The following MSN variants were observed in gnomAD, a reference collection of about 807,000 sequenced individuals.
MSN encodes epididymis luminal protein 70.
Under a neutral mutation model 48.0 loss-of-function variants are expected in MSN, and 2 were observed. The observed-to-expected ratio is 0.04, with a 90% CI of 0.02 to 0.13. The LOEUF (loss-of-function observed/expected upper bound fraction) is 0.13. Among genes scored for constraint, MSN ranks in the 10% least tolerant of loss-of-function variants. The pLI, the probability that MSN is intolerant of heterozygous loss-of-function variation, is 1.00. For synonymous variants in MSN, 146 were observed against 166.9 expected (o/e 0.87, Z 0.97); for missense variants, 267 against 470.1 (o/e 0.57, Z 3.99).
At chrX:65,682,531 G>T (rs559250684) in intron 1 of MSN, among the ~76,000 whole-genome samples, 22 of 111,482 alleles carry the variant, frequency 2.0e-4, no homozygotes, top group Middle Eastern at 4.6e-3. Context: ...ACGAAGAAGG[G>T]ACTTGCTCAA....
Position 65,608,100 on chromosome X carries a change from G to A in MSN, c.-22+19488G>A, listed in dbSNP as rs553767253. On this transcript the variant is annotated intron_variant, in intron 1 of 3. Coordinates refer to the MSN transcript ENST00000609672. ...GCTCTGTCTGTGTAGTCATCTCTGC[G>A]AACTGATTCCAAATGCCACGGTGTG... is the stretch of plus-strand genomic sequence containing the variant. Among the ~76,000 whole-genome samples, 48 of 112,271 alleles carry A rather than the reference G, an allele frequency of 4.3e-4. No homozygotes were observed. In the South Asian group the frequency reaches 4.4e-3, roughly 10 times the overall value.
At chrX:65,640,921 C>T (rs2148369679) in intron 1 of MSN, among the ~76,000 whole-genome samples, 1 of 110,872 alleles carries the variant, frequency 9.0e-6, no homozygotes, top group East Asian at 2.9e-4. Flanking sequence ...TCAGCCTGGG[C>T]AACATGGCAA....
intron 8 of MSN, among the ~76,000 whole-genome samples, chrX:65,736,085 A>G (rs1040360244): frequency 8.9e-6 from 1 of 112,192 alleles, no homozygotes; most frequent in African/African-American, 3.2e-5. Flanking sequence ...CTGAGGACTG[A>G]TGCACTAGCC....
intron 1 of MSN, among the ~76,000 whole-genome samples, chrX:65,691,320 C>T (rs938960304): frequency 1.1e-4 from 12 of 110,588 alleles, no homozygotes; most frequent in Admixed American, 8.7e-4. Flanking sequence ...GATTAGATTC[C>T]CCAGAAGCCC....
intron 1 of MSN, among the ~76,000 whole-genome samples, chrX:65,603,866 T>C (rs1204300986): frequency 8.9e-6 from 1 of 111,866 alleles, no homozygotes; most frequent in Non-Finnish European, 1.9e-5. Flanking sequence ...AGGGAACATA[T>C]TTGAGAGATC....
At chrX:65,695,317 A>G (rs754512686) in intron 1 of MSN, among the ~76,000 whole-genome samples, 1 of 110,041 alleles carries the variant, frequency 9.1e-6, no homozygotes. Context: ...CCTGATCAAC[A>G]TGGTGAAACC....
chrX:65,736,804 G>A lies in MSN; in HGVS notation c.969G>A (p.Leu323=), dbSNP rs1349036553. Residue 323 remains leucine, a synonymous_variant, in exon 9 of 13, where the codon CTG becomes CTA. Transcript: ENST00000360270. ...KHQKQMERAM[L]ENEKKKREMA... is the part of the protein sequence containing the mutation. Reference sequence around the variant, plus strand: ...TTATCTCCTTCCCTAGTGCTATGCTGGAAAATGAGAAGAAGAAGCGTGAAA... The same window carrying A: ...TTATCTCCTTCCCTAGTGCTATGCTAGAAAATGAGAAGAAGAAGCGTGAAA... 1.7e-6 allele frequency: 2 copies of A among 1,165,337 alleles called. No individual in the cohort carries two copies. The highest frequency in any genetic ancestry group is 3.6e-5 in the African/African-American group (2 of 55,520).
At chrX:65,629,071 A>C (rs2070533665) in intron 1 of MSN, among the ~76,000 whole-genome samples, 1 of 104,220 alleles carries the variant, frequency 9.6e-6, no homozygotes, top group Non-Finnish European at 2.0e-5. Flanking sequence ...CTCCATCTCA[A>C]AAAAAAAAAA....
rs2147516915 is a variant in MSN at position 65,735,351 on chromosome X, C to T, written c.880C>T (p.Arg294Cys). 2 of 1,209,156 alleles carry T rather than the reference C, an allele frequency of 1.7e-6. No homozygotes were observed. The highest frequency in any genetic ancestry group is 2.2e-6 in the Non-Finnish European group (2 of 894,271). Reference sequence around the variant, plus strand: ...GGGGAACCATGAACTATACATGCGCCGTCGCAAGCCTGATACCATTGAGGT... The same window carrying T: ...GGGGAACCATGAACTATACATGCGCTGTCGCAAGCCTGATACCATTGAGGT... The part of the protein sequence containing the change: ...CMGNHELYMR[R>C]RKPDTIEVQQ... The change falls in exon 8 of 13, where the codon CGT becomes TGT. Residue 294 changes from arginine to cysteine, a missense_variant. Coordinates refer to ENST00000360270, the MANE Select transcript of MSN (RefSeq NM_002444.3).
chrX:65,667,148 C>T (rs1357115528), upstream of MSN, among the ~76,000 whole-genome samples: 1 of 111,994 alleles, frequency 8.9e-6, no homozygotes, highest in Admixed American at 9.4e-5. Context: ...CTGAGATCTT[C>T]AGGCCTTTGA....
intron 1 of MSN, among the ~76,000 whole-genome samples, chrX:65,693,967 C>T (rs778673386): frequency 1.8e-4 from 20 of 110,390 alleles, no homozygotes; most frequent in African/African-American, 6.6e-4. Flanking sequence ...GCAGGAGAAT[C>T]GCTTGAACCC....
intron 1 of MSN, among the ~76,000 whole-genome samples, chrX:65,683,582 G>A (rs1222839130): frequency 9.0e-6 from 1 of 110,616 alleles, no homozygotes; most frequent in Non-Finnish European, 1.9e-5. Context: ...CATTTGAGAG[G>A]TGTAGGTTTA....
intron 1 of MSN, chrX:65,625,951 C>CCT (rs2070500306): frequency 2.6e-4 from 20 of 78,063 alleles, no homozygotes; most frequent in African/African-American, 1.2e-3. Flanking sequence ...TTTAATACAG[C>CCT]TTTTTTTTTT....
intron 1 of MSN, among the ~76,000 whole-genome samples, chrX:65,649,588 A>AAT (rs34716365): frequency 2.5e-3 from 239 of 93,746 alleles, no homozygotes; most frequent in African/African-American, 7.1e-3. Flanking sequence ...AAAAAAAAAA[A>AAT]ATATATATAT....
In MSN at chrX:65,711,300, T is replaced by C. The variant is rs778736195; in HGVS notation, c.13-5518T>C. On this transcript the variant is annotated intron_variant, in intron 1 of 12. Transcript: ENST00000360270. ...GTCTTGAACTCCAGACATCAGGTGATCCACCTGCCTCGGCCTCCCAAAGTG... is the reference window on the plus strand; with the variant it reads ...GTCTTGAACTCCAGACATCAGGTGACCCACCTGCCTCGGCCTCCCAAAGTG... Among the ~76,000 whole-genome samples, 103 of 111,494 alleles carry C rather than the reference T, an allele frequency of 9.2e-4. 1 individual carries two copies. In the Middle Eastern group the frequency reaches 0.024, roughly 26 times the overall value.
chrX:65,591,747 C>G (rs1418330265), intron 1 of MSN, among the ~76,000 whole-genome samples: 1 of 111,486 alleles, frequency 9.0e-6, no homozygotes, highest in Non-Finnish European at 1.9e-5. Flanking sequence ...AGGCCTTTTT[C>G]TTAACCCCGG....
chrX:65,642,162 C>T (rs1483461149), intron 1 of MSN, among the ~76,000 whole-genome samples: 4 of 94,789 alleles, frequency 4.2e-5, no homozygotes, highest in Non-Finnish European at 8.5e-5. Flanking sequence ...AAGAAAGAAA[C>T]GAAAACAACT....
chrX:65,675,065 T>G (rs1182281023), intron 1 of MSN, among the ~76,000 whole-genome samples: 1 of 112,395 alleles, frequency 8.9e-6, no homozygotes, highest in Non-Finnish European at 1.9e-5. Flanking sequence ...GATTATTTAC[T>G]GAATTTTACT....
intron 1 of MSN, among the ~76,000 whole-genome samples, chrX:65,644,465 G>A (rs759388491): frequency 6.3e-5 from 7 of 111,637 alleles, no homozygotes; most frequent in Non-Finnish European, 1.1e-4. Flanking sequence ...GCCCAGCTCC[G>A]TCGTCTCAGA....
Sources: allele counts gnomAD v4.1 joint callset (sites outside exome capture counted in the v4.1 genomes callset), GRCh38; gene constraint gnomAD v4.1.1; transcripts MANE v1.5; gene names NCBI Gene and HGNC (gene_info 2026-07-23, HGNC 2026-07-21).